The following CX3CR1 variants were observed in gnomAD, a reference collection of about 807,000 sequenced individuals.
CX3CR1 encodes CX3C chemokine receptor 1.
For synonymous variants in CX3CR1, 168 were observed against 178.5 expected (o/e 0.94, Z 0.47); for missense variants, 363 against 432.4 (o/e 0.84, Z 1.42).
intron 1 of CX3CR1, among the ~76,000 whole-genome samples, chr3:39,277,556 G>C (rs2040853491): frequency 6.6e-6 from 1 of 152,164 alleles, no homozygotes; most frequent in African/African-American, 2.4e-5. Flanking sequence ...AACGTCTCTG[G>C]ACTCAGGATA....
intron 1 of CX3CR1, among the ~76,000 whole-genome samples, chr3:39,278,894 C>A (rs1444721842): frequency 2.0e-5 from 3 of 152,126 alleles, no homozygotes; most frequent in Non-Finnish European, 4.4e-5. Flanking sequence ...TCCACCCACA[C>A]AAACCTGAGC....
intron 1 of CX3CR1, among the ~76,000 whole-genome samples, chr3:39,275,452 C>A (rs1002884549): frequency 6.6e-6 from 1 of 152,180 alleles, no homozygotes; most frequent in Non-Finnish European, 1.5e-5. Flanking sequence ...CAAGTGGTTA[C>A]CCTAATTACC....
Position 39,266,238 on chromosome 3 carries a change from A to G in CX3CR1, c.272T>C (p.Leu91Ser). 1 of 1,614,216 alleles carries G rather than the reference A, an allele frequency of 6.2e-7. No homozygotes were observed. Among genetic ancestry groups the G allele is most frequent in the Admixed American group, 1.7e-5 (1 of 60,026 alleles). ...ATTGTGGAGGCCCTTTTCATTTATC[A>G]AATAGTGAGTCCAGAAGGGCAAAGT... ...VATLPFWTHY[L>S]INEKGLHNAM... is the part of the protein sequence containing the mutation. The change falls in exon 2 of 2, where the codon TTG becomes TCG. Residue 91 changes from leucine to serine, a missense_variant. Physicochemically the swap from Leu to Ser is moderately radical, Grantham distance 145. Transcript: ENST00000399220.
At position 39,266,105 on chromosome 3, in the gene CX3CR1, G is replaced by T; in HGVS notation, c.405C>A (p.Ala135=). The change falls in exon 2 of 2, where the codon GCC becomes GCA. Residue 135 remains alanine, a synonymous_variant. Transcript: ENST00000399220. ...IDRYLAIVLA[A]NSMNNRTVQH... ...GCACGGTCCGGTTGTTCATGGAGTT[G>T]GCGGCCAGGACGATGGCCAGGTACC... 6.2e-7 allele frequency: 1 copy of T among 1,614,228 alleles called. No individual in the cohort carries two copies. The highest frequency in any genetic ancestry group is 8.5e-7 in the Non-Finnish European group (1 of 1,180,050).
intron 1 of CX3CR1, among the ~76,000 whole-genome samples, chr3:39,278,446 G>C (rs1180411780): frequency 6.6e-6 from 1 of 151,984 alleles, no homozygotes; most frequent in East Asian, 1.9e-4. Context: ...GGTCCTCAAG[G>C]CTCTCCAGCA....
rs2040651044 is a variant in CX3CR1, at chr3:39,263,621, A to G, written c.*1821T>C. ...CATGACTTATTCTCTCATTCATTAT[A>G]CAAACATATAGACTGCCAAAGAGCT... On this transcript the variant is annotated 3_prime_UTR_variant, in exon 2 of 2. Transcript: ENST00000399220. 6.6e-6 allele frequency: 1 copy of G among 152,252 alleles called. No homozygotes were observed. Among genetic ancestry groups the G allele is most frequent in the Non-Finnish European group, 1.5e-5 (1 of 68,052 alleles). The allele number at this position is 152,252 out of a possible 1,614,324, so 9.4% of individuals were successfully genotyped here. A position where few individuals can be genotyped will look rare whatever the true frequency, so the allele number is the denominator to read the frequency against.
chr3:39,281,199 T>G, upstream of CX3CR1: 1 of 1,019,420 alleles, frequency 9.8e-7, no homozygotes, highest in Non-Finnish European at 1.2e-6. Context: ...CACCAGCAGT[T>G]TTCTTTCTTT....
chr3:39,283,730 A>C (rs1345264221), upstream of CX3CR1, among the ~76,000 whole-genome samples: 4 of 144,352 alleles, frequency 2.8e-5, no homozygotes, highest in Non-Finnish European at 6.1e-5. Flanking sequence ...CAGTGAGCCG[A>C]GATAGCGCCA....
intron 1 of CX3CR1, 74 bp downstream of exon 1, chr3:39,279,880 C>T (rs2040876738): frequency 1.6e-6 from 1 of 633,004 alleles, no homozygotes. Context: ...CGTAAGCAAA[C>T]AGGCATTATT....
the CX3CR1 span, chr3:39,287,302 A>T: frequency 1.3e-5 from 2 of 152,322 alleles, no homozygotes. Context: ...GACCTAATCT[A>T]TATGTGGCTG....
intron 1 of CX3CR1, chr3:39,266,805 T>C (rs905956027): frequency 6.7e-5 from 36 of 541,108 alleles, no homozygotes; most frequent in South Asian, 1.6e-4. Flanking sequence ...TTTTTTTAAA[T>C]GGAGTCTCGC....
At position 39,266,360 on chromosome 3, in the gene CX3CR1, C is replaced by A; in HGVS notation, c.150G>T (p.Leu50Phe). Residue 50 changes from leucine to phenylalanine, a missense_variant, in exon 2 of 2, where the codon TTG (leucine) becomes TTT (phenylalanine). By Grantham distance (22) the Leu-to-Phe change is conservative (BLOSUM62 0). Coordinates refer to ENST00000399220, the MANE Select transcript of CX3CR1 (RefSeq NM_001337.4). ...TGTTGGTGAGGGCAAACACTACCAA[C>A]AAATTTCCCACCAGGCCAATGGCAA... is the stretch of plus-strand genomic sequence containing the variant. ...VIFAIGLVGNLLVVFALTNSK... is the reference protein window; with the variant it reads ...VIFAIGLVGNFLVVFALTNSK... The A allele has an allele frequency of 6.2e-7, 1 of 1,614,144 alleles. No individual in the cohort carries two copies. Among genetic ancestry groups the A allele is most frequent in the Non-Finnish European group, 8.5e-7 (1 of 1,180,036 alleles).
At chr3:39,278,640 ATTTTTTTTTCTTTTCT>A (rs1559370292) in intron 1 of CX3CR1, among the ~76,000 whole-genome samples, 1 of 139,420 alleles carries the variant, frequency 7.2e-6, no homozygotes, top group Non-Finnish European at 1.5e-5. Flanking sequence ...TCAAAAATTA[ATTTTTTTTTCTTTTCT>A]TTTTTTTTTT....
At chr3:39,288,500 G>A in the CX3CR1 span, among the ~76,000 whole-genome samples, 2 of 152,138 alleles carry the variant, frequency 1.3e-5, no homozygotes, top group Non-Finnish European at 2.9e-5. Flanking sequence ...CCTGAGCTCT[G>A]TCTCCCCCTC....
the CX3CR1 span, among the ~76,000 whole-genome samples, chr3:39,289,043 A>G: frequency 0.017 from 2,579 of 151,920 alleles, 67 homozygotes; most frequent in African/African-American, 0.058. Flanking sequence ...AATCCCAGCT[A>G]CTCAGGAGGC....
upstream of CX3CR1, among the ~76,000 whole-genome samples, chr3:39,285,090 T>G (rs1258396708): frequency 6.6e-6 from 1 of 151,130 alleles, no homozygotes; most frequent in Non-Finnish European, 1.5e-5. Flanking sequence ...TAGAGGCCAA[T>G]AGAAAATTGG....
intron 1 of CX3CR1, among the ~76,000 whole-genome samples, chr3:39,276,834 TTCAG>T (rs1406590533): frequency 6.6e-6 from 1 of 152,184 alleles, no homozygotes; most frequent in Non-Finnish European, 1.5e-5. Context: ...GATATTTAGA[TTCAG>T]TCAAACTATA....
intron 1 of CX3CR1, among the ~76,000 whole-genome samples, chr3:39,267,937 G>A (rs534917106): frequency 2.0e-5 from 3 of 152,312 alleles, no homozygotes; most frequent in African/African-American, 7.2e-5. Flanking sequence ...TCCTCTGGGC[G>A]TCTCCTCGTG....
intron 1 of CX3CR1, among the ~76,000 whole-genome samples, chr3:39,272,783 C>T (rs1480806509): frequency 6.6e-6 from 1 of 152,156 alleles, no homozygotes; most frequent in Admixed American, 6.5e-5. Flanking sequence ...GGAGCCCCAA[C>T]CCAAACTTTC....
Sources: allele counts gnomAD v4.1 joint callset (sites outside exome capture counted in the v4.1 genomes callset), GRCh38; gene constraint gnomAD v4.1.1; transcripts MANE v1.5; gene names NCBI Gene and HGNC (gene_info 2026-07-23, HGNC 2026-07-21).